The following PCDH15 variants were observed in gnomAD, a reference collection of about 807,000 sequenced individuals.
PCDH15 encodes the protein protocadherin-15.
PCDH15 carries 129 observed loss-of-function variants against 178.5 expected under a neutral mutation model. The observed-to-expected ratio is 0.72, with a 90% CI of 0.63 to 0.84. PCDH15 has a LOEUF of 0.84. Among genes scored for constraint, PCDH15 ranks in the 40% least tolerant of loss-of-function variants. The pLI, the probability that PCDH15 is intolerant of heterozygous loss-of-function variation, is 0.00. For synonymous variants in PCDH15, 800 were observed against 732.0 expected (o/e 1.09, Z -1.50); for missense variants, 2,230 against 2,099.9 (o/e 1.06, Z -1.21).
intron 23 of PCDH15, among the ~76,000 whole-genome samples, chr10:53,946,007 T>C (rs964109830): frequency 1.3e-5 from 2 of 151,594 alleles, no homozygotes; most frequent in African/African-American, 4.9e-5. Flanking sequence ...GATTTAAAAA[T>C]GGACCAAGGA....
intron 8 of PCDH15, among the ~76,000 whole-genome samples, chr10:54,267,648 A>G (rs561627177): frequency 6.6e-6 from 1 of 152,022 alleles, no homozygotes; most frequent in Admixed American, 6.6e-5. Context: ...CTGAGAACCA[A>G]ATCAAGAACA....
chr10:55,566,813 A>G (rs1433363492), intron 2 of PCDH15, among the ~76,000 whole-genome samples: 1 of 151,924 alleles, frequency 6.6e-6, no homozygotes, highest in Non-Finnish European at 1.5e-5. Context: ...TCTCATATTC[A>G]TGATTGGAAG....
At chr10:54,943,377 C>T (rs1051270817) in intron 2 of PCDH15, among the ~76,000 whole-genome samples, 9 of 151,938 alleles carry the variant, frequency 5.9e-5, no homozygotes, top group African/African-American at 1.4e-4. Flanking sequence ...AATGTGCTCA[C>T]CTGAATAATC....
rs74559337 is a variant in PCDH15, at chr10:54,968,370, C to A, written c.-79-70870G>T. ...TATATAATTTCATATCCTTTTATTA[C>A]AATCTATTTGTCTTGGTATTCACCT... On this transcript the variant is annotated intron_variant, in intron 2 of 5. Coordinates refer to the PCDH15 transcript ENST00000458638. Among the ~76,000 whole-genome samples the A allele has an allele frequency of 2.2e-4, 34 of 152,160 alleles. No homozygotes were observed. The East Asian group carries it at 5.6e-3, about 25-fold the overall frequency.
rs370705656 is a variant in PCDH15 at position 55,588,974 on chromosome 10, G to A, written c.-156+38651C>T. On this transcript the variant is annotated intron_variant, in intron 2 of 5. Transcript: ENST00000613346. ...CACATGCCTGTAATCCCAGCTACTC[G>A]GGAGGCTGAGGCAGGAGAATTGCTT... Among the ~76,000 whole-genome samples the A allele has an allele frequency of 2.4e-4, 37 of 151,576 alleles. 1 individual carries two copies. The highest frequency in any genetic ancestry group is 1.6e-3 in the Admixed American group (25 of 15,202).
intron 3 of PCDH15, among the ~76,000 whole-genome samples, chr10:54,417,949 C>T (rs973067437): frequency 3.5e-4 from 54 of 152,172 alleles, no homozygotes; most frequent in African/African-American, 1.2e-3. Context: ...TTTGCCCAGG[C>T]TAAAATGCAG....
chr10:53,966,908 G>GTA (rs1372837520), intron 21 of PCDH15, among the ~76,000 whole-genome samples: 1 of 151,570 alleles, frequency 6.6e-6, no homozygotes, highest in East Asian at 1.9e-4. Flanking sequence ...ATATATATAT[G>GTA]TATATATATT....
intron 1 of PCDH15, among the ~76,000 whole-genome samples, chr10:55,302,836 A>G (rs1442779228): frequency 6.6e-6 from 1 of 152,098 alleles, no homozygotes; most frequent in Non-Finnish European, 1.5e-5. Flanking sequence ...CTAAATCTTC[A>G]AGCAAAGACA....
intron 1 of PCDH15, among the ~76,000 whole-genome samples, chr10:54,674,885 A>C (rs1322913203): frequency 6.6e-6 from 1 of 152,084 alleles, no homozygotes; most frequent in Non-Finnish European, 1.5e-5. Flanking sequence ...AAATGATAAG[A>C]TATTACAATT....
In PCDH15 at chr10:54,474,674, C is replaced by A. The variant is rs142934564; in HGVS notation, c.157+53138G>T. Among the ~76,000 whole-genome samples, 681 of 151,938 alleles carry A rather than the reference C, an allele frequency of 4.5e-3. 7 individuals are homozygous for A. Among genetic ancestry groups the A allele is most frequent in the African/African-American group, 0.016 (657 of 41,510 alleles). On this transcript the variant is annotated intron_variant, in intron 3 of 37. Coordinates refer to ENST00000644397, the MANE Select transcript of PCDH15 (RefSeq NM_001384140.1). Reference sequence around the variant, plus strand: ...ATAATCCATAGGAATTTTTTATATGCCTTTGAATTACATAATTTATTAACA... The same window carrying A: ...ATAATCCATAGGAATTTTTTATATGACTTTGAATTACATAATTTATTAACA...
chr10:54,872,398 A>T (rs1954055072), intron 3 of PCDH15, among the ~76,000 whole-genome samples: 1 of 152,146 alleles, frequency 6.6e-6, no homozygotes, highest in African/African-American at 2.4e-5. Context: ...CTAGGTATGT[A>T]TTTCATGTAC....
chr10:55,326,961 C>A (rs992056829), intron 2 of PCDH15, among the ~76,000 whole-genome samples: 15 of 152,120 alleles, frequency 9.9e-5, no homozygotes, highest in Non-Finnish European at 5.9e-5. Flanking sequence ...TAGACATAGA[C>A]CTTACATAGT....
At chr10:55,413,476 T>C (rs908862253) in intron 2 of PCDH15, among the ~76,000 whole-genome samples, 20 of 151,750 alleles carry the variant, frequency 1.3e-4, no homozygotes, top group African/African-American at 4.1e-4. Context: ...TAGACAACTT[T>C]TACATTTAAA....
intron 3 of PCDH15, among the ~76,000 whole-genome samples, chr10:54,408,964 T>C (rs1417393678): frequency 6.6e-6 from 1 of 152,116 alleles, no homozygotes; most frequent in Non-Finnish European, 1.5e-5. Context: ...GCTCCCATAA[T>C]TCCCTCATGT....
intron 3 of PCDH15, among the ~76,000 whole-genome samples, chr10:54,393,043 G>A (rs1437913523): frequency 6.6e-6 from 1 of 151,912 alleles, no homozygotes; most frequent in African/African-American, 2.4e-5. Context: ...TTTAATTAAT[G>A]ATTTAAGATG....
intron 2 of PCDH15, among the ~76,000 whole-genome samples, chr10:54,653,019 G>A (rs116466067): frequency 0.021 from 3,236 of 152,238 alleles, 106 homozygotes; most frequent in African/African-American, 0.07. Context: ...ATTAATGTCT[G>A]ATGTACCAGA....
At chr10:54,166,546 T>C (rs1358908047) in intron 13 of PCDH15, among the ~76,000 whole-genome samples, 5 of 152,224 alleles carry the variant, frequency 3.3e-5, no homozygotes. Context: ...GCAAGTTTAC[T>C]AGGGTTTTAA....
intron 3 of PCDH15, among the ~76,000 whole-genome samples, chr10:54,843,483 T>C (rs943398746): frequency 2.0e-5 from 3 of 151,992 alleles, no homozygotes; most frequent in African/African-American, 7.2e-5. Context: ...TGACACTTGA[T>C]CTTTACTTAC....
At chr10:55,541,007 C>T (rs564956773) in intron 2 of PCDH15, among the ~76,000 whole-genome samples, 2 of 152,084 alleles carry the variant, frequency 1.3e-5, no homozygotes, top group East Asian at 3.9e-4. Context: ...GGAATTTACC[C>T]TATATATTTA....
Sources: gnomAD v4.1 joint callset for allele counts (sites outside exome capture counted in the v4.1 genomes callset) on GRCh38, gnomAD v4.1.1 for gene constraint, MANE v1.5 for transcripts, NCBI Gene and HGNC (gene_info 2026-07-23, HGNC 2026-07-21) for gene names.